The following FRS2 variants were observed in gnomAD, a reference collection of about 807,000 sequenced individuals.
The protein encoded by FRS2 is fibroblast growth factor receptor substrate 2, also known as FGFR signalling adaptor.
FRS2 carries 8 observed loss-of-function variants against 43.9 expected under a neutral mutation model. The observed-to-expected ratio is 0.18, with a 90% CI of 0.11 to 0.33. The LOEUF (loss-of-function observed/expected upper bound fraction) is 0.33, where lower values mean the gene tolerates loss of function less well. Ranked by LOEUF, FRS2 falls within the 10% of genes least tolerant of loss-of-function variation. The probability of loss-of-function intolerance (pLI) is 1.00; values close to 1 mark genes in which losing one functional copy is unlikely to be tolerated. For synonymous variants in FRS2, 219 were observed against 220.3 expected (o/e 0.99, Z 0.05); for missense variants, 534 against 627.6 (o/e 0.85, Z 1.59).
Position 69,577,238 on chromosome 12 carries a change from T to G in FRS2, c.*2283T>G, listed in dbSNP as rs1881253054. 6.6e-6 allele frequency: 1 copy of G among 152,166 alleles called. No homozygotes were observed. The highest frequency in any genetic ancestry group is 2.4e-5 in the African/African-American group (1 of 41,452). 9.4% of individuals were successfully genotyped at this position (152,166 alleles called of 1,614,324 possible). A position where few individuals can be genotyped will look rare whatever the true frequency, so the allele number is the denominator to read the frequency against. On this transcript the variant is annotated 3_prime_UTR_variant, in exon 9 of 9. Transcript: ENST00000549921. The stretch of plus-strand genomic sequence containing the variant: ...CTTTAAAAAGGAAAATGGGACCAAT[T>G]TGTCTGCTAAGAATTTGATTTTAGG...
intron 3 of FRS2, among the ~76,000 whole-genome samples, chr12:69,553,943 C>A (rs964206689): frequency 3.9e-5 from 6 of 152,206 alleles, no homozygotes; most frequent in Admixed American, 3.9e-4. Flanking sequence ...TCAAGACATT[C>A]ATTCCCCTAA....
chr12:69,494,450 A>T (rs76907293), intron 1 of FRS2, among the ~76,000 whole-genome samples: 3 of 152,174 alleles, frequency 2.0e-5, no homozygotes, highest in Non-Finnish European at 4.4e-5. Flanking sequence ...GAGGTTATAT[A>T]ATTTGCTGCA....
intron 1 of FRS2, among the ~76,000 whole-genome samples, chr12:69,497,872 G>A (rs1873052303): frequency 6.6e-6 from 1 of 152,226 alleles, no homozygotes; most frequent in South Asian, 2.1e-4. Context: ...AGAGTTTTGA[G>A]CAGAGTAGTA....
chr12:69,538,990 C>A (rs1460248887), intron 3 of FRS2, among the ~76,000 whole-genome samples: 2 of 152,116 alleles, frequency 1.3e-5, no homozygotes, highest in African/African-American at 4.8e-5. Flanking sequence ...GAACCCAAAT[C>A]TTGGTTTCTA....
intron 4 of FRS2, 56 bp downstream of exon 4, chr12:69,562,330 T>C (rs944482325): frequency 2.5e-6 from 1 of 397,678 alleles, no homozygotes; most frequent in Non-Finnish European, 4.4e-6. Flanking sequence ...ACAATTATTT[T>C]TTATTTTTAT....
chr12:69,574,925 T>C lies in FRS2; in HGVS notation c.1497T>C (p.Thr499=). 6.2e-7 allele frequency: 1 copy of C among 1,610,474 alleles called. No individual in the cohort carries two copies. The highest frequency in any genetic ancestry group is 1.1e-5 in the South Asian group (1 of 90,994). The change falls in exon 9 of 9, where the codon ACT becomes ACC. Residue 499 remains threonine (T), a synonymous_variant. Coordinates refer to ENST00000549921, the MANE Select transcript of FRS2 (RefSeq NM_001278356.2). ...LPRDDGTSRK[T]RHNSTDLPM ...GAGATGATGGTACATCTAGGAAAAC[T>C]AGACACAATAGTACTGATCTGCCCA... is the stretch of plus-strand genomic sequence containing the variant.
At chr12:69,518,249 CTT>C (rs1875256759) in intron 1 of FRS2, among the ~76,000 whole-genome samples, 3 of 152,158 alleles carry the variant, frequency 2.0e-5, no homozygotes, top group Admixed American at 2.0e-4. Context: ...CCTTCTTTGT[CTT>C]TTGTACAATT....
intron 3 of FRS2, among the ~76,000 whole-genome samples, chr12:69,546,244 C>A (rs940407636): frequency 4.6e-5 from 7 of 152,104 alleles, no homozygotes; most frequent in Non-Finnish European, 8.8e-5. Context: ...ATACTACCCT[C>A]ACACTCATTA....
rs1295031183 is a variant in FRS2 at position 69,545,299 on chromosome 12, GA to G, written c.-122+13245del. Among the ~76,000 whole-genome samples, 26 of 152,256 alleles carry G rather than the reference GA, an allele frequency of 1.7e-4. 2 individuals carry two copies. Among genetic ancestry groups the G allele is most frequent in the East Asian group, 5.8e-4 (3 of 5,190 alleles). On this transcript the variant is annotated intron_variant, in intron 3 of 8. Coordinates refer to ENST00000549921, the MANE Select transcript of FRS2 (RefSeq NM_001278356.2). ...AAACGCCCATTCTGCAATTCATATGGAATATCAAGGGACTCTCAATAGCTAA... is the reference window on the plus strand; with the variant it reads ...AAACGCCCATTCTGCAATTCATATGGATATCAAGGGACTCTCAATAGCTAA...
chr12:69,493,456 C>T (rs184425329), intron 1 of FRS2, among the ~76,000 whole-genome samples: 16 of 152,364 alleles, frequency 1.1e-4, no homozygotes, highest in Middle Eastern at 3.4e-3. Flanking sequence ...CGCGATGGCT[C>T]ACGCCTGTGA....
chr12:69,508,701 C>G (rs1454301889), intron 1 of FRS2, among the ~76,000 whole-genome samples: 1 of 152,180 alleles, frequency 6.6e-6, no homozygotes, highest in Admixed American at 6.5e-5. Context: ...CCAATCTTTA[C>G]AAGGCAGTCA....
chr12:69,475,580 G>C (rs562753980), intron 1 of FRS2, among the ~76,000 whole-genome samples: 12 of 152,336 alleles, frequency 7.9e-5, no homozygotes, highest in Non-Finnish European at 1.3e-4. Context: ...AAGAATATTA[G>C]AGGAAACTTA....
At chr12:69,518,542 G>A (rs572570345) in intron 1 of FRS2, among the ~76,000 whole-genome samples, 48 of 151,756 alleles carry the variant, frequency 3.2e-4, no homozygotes, top group African/African-American at 9.7e-4. Flanking sequence ...CCCTGTCTCT[G>A]TGAAAACATA....
intron 3 of FRS2, among the ~76,000 whole-genome samples, chr12:69,542,020 C>T (rs1474811472): frequency 1.3e-5 from 2 of 152,004 alleles, no homozygotes; most frequent in African/African-American, 4.8e-5. Context: ...TTTCCTCACA[C>T]ACTCGAAAGA....
At position 69,513,269 on chromosome 12, in the gene FRS2, C is replaced by CT. The variant is rs1021048188; in HGVS notation, c.-260-17587dup. Reference sequence around the variant, plus strand: ...GAAAAGATTTGCTTTTTTAAACTCTCTTTTTTTTTAGGTTGGCAGTCAACA... The same window carrying CT: ...GAAAAGATTTGCTTTTTTAAACTCTCTTTTTTTTTTAGGTTGGCAGTCAACA... On this transcript the variant is annotated intron_variant, in intron 1 of 8. Coordinates refer to ENST00000549921, the MANE Select transcript of FRS2 (RefSeq NM_001278356.2). 3.4e-4 allele frequency among the ~76,000 whole-genome samples: 51 copies of CT among 149,792 alleles called. 1 individual carries two copies. Among genetic ancestry groups the CT allele is most frequent in the Admixed American group, 1.1e-3 (16 of 14,998 alleles).
rs765615429 is a variant in FRS2, at chr12:69,577,489, ATC to A, written c.*2537_*2538del. On this transcript the variant is annotated 3_prime_UTR_variant, in exon 9 of 9. Coordinates refer to ENST00000549921, the MANE Select transcript of FRS2 (RefSeq NM_001278356.2). ...TATTAGCATATAATTGTGGCCATAT[ATC>A]TCAGATTTTCTGAGGCAGATCTAAT... 68 of 152,686 alleles carry A rather than the reference ATC, an allele frequency of 4.5e-4. No individual in the cohort carries two copies. Among genetic ancestry groups the A allele is most frequent in the Non-Finnish European group, 7.4e-4 (50 of 68,004 alleles). The allele number at this position is 152,686 out of a possible 1,614,324, so 9.5% of individuals were successfully genotyped here.
chr12:69,545,669 T>G (rs577304666), intron 3 of FRS2, among the ~76,000 whole-genome samples: 21 of 148,552 alleles, frequency 1.4e-4, no homozygotes, highest in Admixed American at 4.8e-4. Context: ...AGCAGGAGAA[T>G]TGCTTGAACC....
At chr12:69,566,588 C>G (rs1880316532) in intron 4 of FRS2, among the ~76,000 whole-genome samples, 1 of 148,948 alleles carries the variant, frequency 6.7e-6, no homozygotes, top group Admixed American at 6.7e-5. Context: ...GCCTGAGCAA[C>G]AAGAGCGAAA....
At chr12:69,479,462 A>G (rs1871172639) in intron 1 of FRS2, among the ~76,000 whole-genome samples, 1 of 142,006 alleles carries the variant, frequency 7.0e-6, no homozygotes, top group Admixed American at 7.5e-5. Context: ...CAGTGGCGCG[A>G]TCTCAGCTCA....
Sources: gnomAD v4.1 joint callset for allele counts (sites outside exome capture counted in the v4.1 genomes callset) on GRCh38, gnomAD v4.1.1 for gene constraint, MANE v1.5 for transcripts, NCBI Gene and HGNC (gene_info 2026-07-23, HGNC 2026-07-21) for gene names.